Variants in TENM1 observed in about 807,000 individuals in gnomAD.
The protein encoded by TENM1 is teneurin transmembrane protein 1, also known as teneurin-1.
Under a neutral mutation model 174.8 loss-of-function variants are expected in TENM1, and 35 were observed. That is an observed-to-expected ratio of 0.20 (90% confidence interval 0.15 to 0.27). TENM1 has a LOEUF of 0.27. TENM1 is among the 10% of genes least tolerant of loss of function. The pLI is 1.00. For synonymous variants in TENM1, 781 were observed against 798.7 expected, an observed-to-expected ratio of 0.98 and a Z score of 0.37; for missense variants, 1,633 against 2,130.1, an observed-to-expected ratio of 0.77 and a Z score of 4.59.
At chrX:124,704,657 AGT>A (rs1486409230) in intron 5 of TENM1, among the ~76,000 whole-genome samples, 7 of 111,715 alleles carry the variant, frequency 6.3e-5, no homozygotes, top group African/African-American at 2.3e-4. Context: ...ATTCCGTAGC[AGT>A]ATTATTGTTT....
In TENM1 at chrX:124,505,735, T is replaced by G. The variant is rs539358247; in HGVS notation, c.3302-2032A>C. On this transcript the variant is annotated intron_variant, in intron 18 of 31. Transcript: ENST00000422452. ...AGTCTAATTAAAGTTATGGACATTC[T>G]TCCTGGAAAAATGCATATGCGTACA... Among the ~76,000 whole-genome samples the G allele has an allele frequency of 5.4e-5, 6 of 111,449 alleles. No homozygotes were observed. The South Asian group carries it at 1.9e-3, about 35-fold the overall frequency.
intron 11 of TENM1, among the ~76,000 whole-genome samples, chrX:124,588,110 A>C (rs1357723913): frequency 9.0e-6 from 1 of 111,701 alleles, no homozygotes; most frequent in Non-Finnish European, 1.9e-5. Context: ...AACTAGTTCA[A>C]CCATTGTGGA....
intron 5 of TENM1, among the ~76,000 whole-genome samples, chrX:124,679,753 G>T (rs1354876450): frequency 9.0e-6 from 1 of 111,507 alleles, no homozygotes; most frequent in East Asian, 2.8e-4. Flanking sequence ...CATTTTTCAA[G>T]AACTAAATTA....
At chrX:125,154,253 A>G in the TENM1 span, among the ~76,000 whole-genome samples, 1 of 112,172 alleles carries the variant, frequency 8.9e-6, no homozygotes, top group Non-Finnish European at 1.9e-5. Flanking sequence ...TTTAATTTAC[A>G]TATTTAAATT....
the TENM1 span, among the ~76,000 whole-genome samples, chrX:124,969,622 T>C: frequency 2.7e-4 from 30 of 112,220 alleles, no homozygotes; most frequent in African/African-American, 9.0e-4. Context: ...CTGTTTTAAA[T>C]GCCCATTTTG....
the TENM1 span, among the ~76,000 whole-genome samples, chrX:125,158,479 A>G: frequency 1.8e-5 from 2 of 109,630 alleles, no homozygotes; most frequent in Middle Eastern, 9.3e-3. Context: ...TGGTCTTTAT[A>G]GAAGTATCAA....
chrX:125,156,735 C>A, the TENM1 span, among the ~76,000 whole-genome samples: 1 of 111,589 alleles, frequency 9.0e-6, no homozygotes, highest in Non-Finnish European at 1.9e-5. Context: ...TGCATGTGTC[C>A]TTATGGTAGA....
In TENM1 at chrX:124,739,233, A is replaced by G. The variant is rs748907128; in HGVS notation, c.536-2036T>C. Among the ~76,000 whole-genome samples the G allele has an allele frequency of 5.4e-5, 6 of 112,080 alleles. No homozygotes were observed. In the South Asian group the frequency reaches 1.5e-3, roughly 28 times the overall value. ...ATAATAATAATCCCTTTTCCTAACA[A>G]TTAAATTTAATTCATGTAAAATGTG... On this transcript the variant is annotated intron_variant, in intron 3 of 31. Coordinates refer to ENST00000422452, the Ensembl canonical transcript of TENM1.
chrX:124,397,787 G>C (rs1474632546), intron 27 of TENM1, among the ~76,000 whole-genome samples: 2 of 108,472 alleles, frequency 1.8e-5, no homozygotes, highest in Non-Finnish European at 3.8e-5. Context: ...TAGTAGAGAC[G>C]GGGTTTCACC....
At chrX:124,770,458 T>C in intron 3 of TENM1, among the ~76,000 whole-genome samples, 1 of 111,950 alleles carries the variant, frequency 8.9e-6, no homozygotes. Flanking sequence ...CAGGCTGGAA[T>C]GCAGTGGTGC....
At chrX:124,520,598 C>T (rs868489464) in exon 18 of TENM1, 20 of 1,208,842 alleles carry the variant, frequency 1.7e-5, no homozygotes, top group African/African-American at 5.3e-5. Flanking sequence ...AGATTAATTG[C>T]GGCGGGAAAC....
chrX:124,393,411 T>TTG (rs2060302132), intron 27 of TENM1, among the ~76,000 whole-genome samples: 1 of 107,738 alleles, frequency 9.3e-6, no homozygotes, highest in Non-Finnish European at 1.9e-5. Flanking sequence ...CTGTTTTTTT[T>TTG]TGTGTGTGTG....
intron 3 of TENM1, among the ~76,000 whole-genome samples, chrX:124,869,624 T>C (rs1007459709): frequency 9.0e-6 from 1 of 111,295 alleles, no homozygotes; most frequent in Non-Finnish European, 1.9e-5. Flanking sequence ...ATATACACCA[T>C]GGAGTACTGT....
At chrX:124,982,270 G>GAAAA in the TENM1 span, among the ~76,000 whole-genome samples, 2 of 10,553 alleles carry the variant, frequency 1.9e-4, no homozygotes, top group Non-Finnish European at 3.1e-4. Context: ...AAGAAAATGT[G>GAAAA]AAAAAAAAAA....
At chrX:124,503,518 A>G in intron 19 of TENM1, 42 bp downstream of exon 22, 2 of 1,148,985 alleles carry the variant, frequency 1.7e-6, no homozygotes, top group Non-Finnish European at 2.3e-6. Flanking sequence ...ATTATACAGC[A>G]TTAGGAAAGT....
intron 23 of TENM1, among the ~76,000 whole-genome samples, chrX:124,425,998 GTGTGTGT>G (rs2060710678): frequency 8.8e-4 from 3 of 3,409 alleles, no homozygotes; most frequent in Non-Finnish European, 6.2e-3. Context: ...AAGGACTGGT[GTGTGTGT>G]GTGTGTGTGT....
At chrX:125,141,708 T>C in the TENM1 span, among the ~76,000 whole-genome samples, 1 of 111,470 alleles carries the variant, frequency 9.0e-6, no homozygotes, top group Non-Finnish European at 1.9e-5. Flanking sequence ...GGCACAGATA[T>C]AGTGGTATAT....
At chrX:125,132,396 T>C in the TENM1 span, among the ~76,000 whole-genome samples, 1 of 111,574 alleles carries the variant, frequency 9.0e-6, no homozygotes, top group Non-Finnish European at 1.9e-5. Context: ...TTGCCTTTTC[T>C]CATTTTTCTC....
chrX:124,546,767 A>G lies in TENM1; in HGVS notation c.2651+107T>C, dbSNP rs1288044746. On this transcript the variant is annotated intron_variant, in intron 15 of 31. Coordinates refer to ENST00000422452, the Ensembl canonical transcript of TENM1. ...AAGTCCTAAAAAGAAATGAACGTGG[A>G]TTATGTGGAATGGGAAGTAACCTGA... 8 of 662,872 alleles carry G rather than the reference A, an allele frequency of 1.2e-5. No individual in the cohort carries two copies. The Admixed American group carries it at 2.4e-4, about 20-fold the overall frequency. The allele number at this position is 662,872 out of a possible 1,213,427, so 54.6% of individuals were successfully genotyped here.
Sources: gnomAD v4.1 joint callset for allele counts (sites outside exome capture counted in the v4.1 genomes callset) on GRCh38, gnomAD v4.1.1 for gene constraint, MANE v1.5 for transcripts, NCBI Gene and HGNC (gene_info 2026-07-23, HGNC 2026-07-21) for gene names.